Variants in RASAL1 observed in about 807,000 individuals in gnomAD.
RASAL1 encodes the protein RAS protein activator like 1.
Under a neutral mutation model 96.6 loss-of-function variants are expected in RASAL1, and 72 were observed. The observed-to-expected ratio is 0.75, with a 90% CI of 0.62 to 0.91. The LOEUF is 0.91. RASAL1 is among the 40% of genes least tolerant of loss of function. RASAL1 has a pLI of 0.00. For synonymous variants in RASAL1, 405 were observed against 430.4 expected (o/e 0.94, Z 0.73); for missense variants, 1,016 against 1,072.5 (o/e 0.95, Z 0.74).
rs1951655355 is a variant in RASAL1, at chr12:113,130,339, A to AG, written c.122+545dup. Among the ~76,000 whole-genome samples the AG allele has an allele frequency of 6.6e-6, 1 of 152,204 alleles. No individual in the cohort carries two copies. Among genetic ancestry groups the AG allele is most frequent in the Non-Finnish European group, 1.5e-5 (1 of 68,016 alleles). On this transcript the variant is annotated intron_variant, in intron 2 of 20. Coordinates refer to ENST00000548055, the MANE Select transcript of RASAL1 (RefSeq NM_001301202.2). The surrounding 1 kb of genome is among the most constrained non-coding windows in gnomAD (Gnocchi z 5.1). ...GGCATTGGTGTTCACATGCATGTGC[A>AG]GGGCAGCCATGTGCACGTGCATGTA... is the stretch of plus-strand genomic sequence containing the variant.
intron 4 of RASAL1, among the ~76,000 whole-genome samples, chr12:113,122,725 A>G (rs1278234037): frequency 1.3e-5 from 2 of 152,188 alleles, no homozygotes; most frequent in Non-Finnish European, 2.9e-5. Flanking sequence ...CTGAGTAGAG[A>G]TTGCACTGCT....
chr12:113,120,357 C>G (rs1033213002), intron 5 of RASAL1, among the ~76,000 whole-genome samples: 23 of 152,182 alleles, frequency 1.5e-4, no homozygotes, highest in Non-Finnish European at 2.9e-4. Flanking sequence ...GCCTCTGCCC[C>G]CTGCTGAGTC....
At chr12:113,131,315 C>T (rs1254807732) in intron 1 of RASAL1, among the ~76,000 whole-genome samples, 4 of 152,058 alleles carry the variant, frequency 2.6e-5, no homozygotes, top group African/African-American at 9.7e-5. Flanking sequence ...CAGAGAGTCC[C>T]CTTCCCTCTC....
At chr12:113,103,783 G>T in intron 18 of RASAL1, 163 bp downstream of exon 18, 2 of 907,312 alleles carry the variant, frequency 2.2e-6, no homozygotes, top group South Asian at 1.5e-5. Flanking sequence ...ACAACTCCAC[G>T]AGATAGGCAC....
chr12:113,123,406 A>G (rs1413161811), intron 4 of RASAL1, among the ~76,000 whole-genome samples: 1 of 152,058 alleles, frequency 6.6e-6, no homozygotes, highest in Non-Finnish European at 1.5e-5. Context: ...TTATTCTGGG[A>G]CCCCTTGAGG....
intron 4 of RASAL1, among the ~76,000 whole-genome samples, chr12:113,126,173 TACTC>T (rs1951472457): frequency 6.6e-6 from 1 of 152,062 alleles, no homozygotes; most frequent in African/African-American, 2.4e-5. Flanking sequence ...TAATCCCAGT[TACTC>T]AGGAGGCCAA....
chr12:113,103,951 C>T lies in RASAL1; in HGVS notation c.2099G>A (p.Arg700His), dbSNP rs375479601. The change falls in exon 18 of 21, where the codon CGC becomes CAC. Residue 700 changes from arginine (R) to histidine (H), a missense_variant. By Grantham distance (29) the Arg-to-His change is conservative (BLOSUM62 0). Transcript: ENST00000548055. ...ARWTCCLQAERSAAGCSRTHS... is the reference protein window; with the variant it reads ...ARWTCCLQAEHSAAGCSRTHS... ...AGTCCGCCCTGCCCCCTCACCTGAG[C>T]GCTCAGCCTGGAGGCAGCAGGTCCA... The T allele has an allele frequency of 7.1e-6, 11 of 1,555,642 alleles. No homozygotes were observed. The highest frequency in any genetic ancestry group is 2.7e-5 in the African/African-American group (2 of 73,734).
intron 7 of RASAL1, among the ~76,000 whole-genome samples, chr12:113,118,241 A>T (rs1439913768): frequency 6.6e-6 from 1 of 152,144 alleles, no homozygotes; most frequent in African/African-American, 2.4e-5. Flanking sequence ...AAAATAAAAA[A>T]AATAAACAAG....
chr12:113,107,073 T>A (rs1452288223), intron 15 of RASAL1, 24 bp downstream of exon 15: 1 of 1,597,412 alleles, frequency 6.3e-7, no homozygotes, highest in Admixed American at 1.7e-5. Context: ...AGAAGCCAGA[T>A]GTGGCCGGAC....
Position 113,108,184 on chromosome 12 carries a change from CAAG to C in RASAL1, c.1410_1412del (p.Phe470del). On this transcript the variant is annotated inframe_deletion, in exon 14 of 21. Coordinates refer to ENST00000548055, the MANE Select transcript of RASAL1 (RefSeq NM_001301202.2). ...TAAGGATGGCAGGTGCGAAGAATCG[CAAG>C]AAGAGAAATCCACTGATGGCCAGGT... 1 of 1,613,360 alleles carries C rather than the reference CAAG, an allele frequency of 6.2e-7. No individual in the cohort carries two copies. The highest frequency in any genetic ancestry group is 8.5e-7 in the Non-Finnish European group (1 of 1,179,754).
chr12:113,115,767 C>A lies in RASAL1; in HGVS notation c.871G>T (p.Ala291Ser). The A allele has an allele frequency of 2.5e-6, 4 of 1,614,180 alleles. No homozygotes were observed. The highest frequency in any genetic ancestry group is 3.4e-6 in the Non-Finnish European group (4 of 1,180,026). Residue 291 changes from alanine (A) to serine (S), a missense_variant, in exon 10 of 21, where the codon GCT (alanine) becomes TCT (serine). Ala to Ser is a moderately conservative substitution (Grantham distance 99). Transcript: ENST00000548055. This position sits in a 1 kb window ranked among gnomAD's most constrained non-coding sequence, Gnocchi z 4.1. Reference protein sequence around the residue: ...PAEEDTASPLALLEELTLGDC... With the variant: ...PAEEDTASPLSLLEELTLGDC... ...CCCAAGGTCAGCTCTTCCAGCAAAG[C>A]CAAGGGGCTAGCAGTGTCCTCCTGG... is the stretch of plus-strand genomic sequence containing the variant.
chr12:113,112,137 G>A lies in RASAL1; in HGVS notation c.1323C>T (p.Phe441=). 1 of 1,251,610 alleles carries A rather than the reference G, an allele frequency of 8.0e-7. No homozygotes were observed. The highest frequency in any genetic ancestry group is 1.0e-6 in the Non-Finnish European group (1 of 991,458). 77.5% of individuals were successfully genotyped at this position (1,251,610 alleles called of 1,614,324 possible). ...GRCPPAMRLA[F]KQLHRRVEER... is the part of the protein sequence containing the mutation. ...CCTCCACTCGCCGGTGCAGCTGCTT[G>A]AAGGCGAGGCGCATGGCGGGCGGGC... is the stretch of plus-strand genomic sequence containing the variant. Residue 441 remains phenylalanine (F), a synonymous_variant, in exon 13 of 21, where the codon TTC becomes TTT. Transcript: ENST00000548055.
chr12:113,111,638 G>T (rs1011531391), intron 13 of RASAL1, among the ~76,000 whole-genome samples: 4 of 152,190 alleles, frequency 2.6e-5, no homozygotes, highest in Non-Finnish European at 5.9e-5. Context: ...CTGTCACCCA[G>T]TCTGGAGTGC....
intron 16 of RASAL1, among the ~76,000 whole-genome samples, chr12:113,104,883 TC>T: frequency 1.3e-5 from 2 of 152,360 alleles, no homozygotes; most frequent in East Asian, 3.9e-4. Context: ...GGGACGCGAT[TC>T]CAAGCACTTT....
intron 18 of RASAL1, 70 bp from the exon 19 acceptor site, chr12:113,102,079 C>G: frequency 6.4e-7 from 1 of 1,554,398 alleles, no homozygotes. Context: ...GCCAGGCATT[C>G]GCCAAGCCGT....
At chr12:113,132,013 C>T (rs942241216) in intron 1 of RASAL1, among the ~76,000 whole-genome samples, 4 of 149,364 alleles carry the variant, frequency 2.7e-5, no homozygotes, top group African/African-American at 9.9e-5. Flanking sequence ...ACCGTATCAC[C>T]CAGGCTGGAG....
At position 113,135,543 on chromosome 12, in the gene RASAL1, T is replaced by C. The variant is rs1468423569; in HGVS notation, c.-81A>G. On this transcript the variant is annotated 5_prime_UTR_variant, in exon 1 of 21. Transcript: ENST00000548055. This position sits in a 1 kb window ranked among gnomAD's most constrained non-coding sequence, Gnocchi z 5.7. ...CAGGGGACGTCTACATGTCACCTGCTTCAAGCCTGGCTCCCTGCCTCGTGG... is the reference window on the plus strand; with the variant it reads ...CAGGGGACGTCTACATGTCACCTGCCTCAAGCCTGGCTCCCTGCCTCGTGG... 2.4e-6 allele frequency: 3 copies of C among 1,240,720 alleles called. No individual in the cohort carries two copies. The highest frequency in any genetic ancestry group is 3.4e-6 in the Non-Finnish European group (3 of 873,716). The allele number at this position is 1,240,720 out of a possible 1,614,324, so 76.9% of individuals were successfully genotyped here. A position where few individuals can be genotyped will look rare whatever the true frequency, so the allele number is the denominator to read the frequency against.
Position 113,104,063 on chromosome 12 carries a change from G to C in RASAL1, c.1987C>G (p.Gln663Glu), listed in dbSNP as rs1384771360. 5 of 1,572,842 alleles carry C rather than the reference G, an allele frequency of 3.2e-6. No individual in the cohort carries two copies. Among genetic ancestry groups the C allele is most frequent in the Non-Finnish European group, 3.5e-6 (4 of 1,154,514 alleles). ...LQCKNVNELNQWLSALRKASA... is the reference protein window; with the variant it reads ...LQCKNVNELNEWLSALRKASA... ...GCCTTGCGCAAGGCCGAGAGCCACT[G>C]GTTGAGCTCATTCACATTCTGCAGC... The change falls in exon 18 of 21, where the codon CAG becomes GAG. Residue 663 changes from glutamine to glutamate, a missense_variant. Gln to Glu is a conservative substitution (Grantham distance 29, BLOSUM62 2). Transcript: ENST00000548055.
intron 19 of RASAL1, 78 bp from the exon 20 acceptor site, chr12:113,100,758 A>AATT: frequency 7.6e-7 from 1 of 1,324,294 alleles, no homozygotes; most frequent in Non-Finnish European, 1.1e-6. Flanking sequence ...TTCTCTGAGA[A>AATT]ATTAGTTTTC....
Sources: gnomAD v4.1 joint callset for allele counts (sites outside exome capture counted in the v4.1 genomes callset) on GRCh38, gnomAD v4.1.1 for gene constraint, Gnocchi (gnomAD v3.1) non-coding constraint, MANE v1.5 for transcripts, NCBI Gene and HGNC (gene_info 2026-07-23, HGNC 2026-07-21) for gene names.